The following ACYP2 variants were observed in gnomAD, a reference collection of about 807,000 sequenced individuals.
ACYP2 encodes acylphosphatase-2.
ACYP2 carries 12 observed loss-of-function variants against 11.2 expected under a neutral mutation model. That is an observed-to-expected ratio of 1.08 (90% confidence interval 0.69 to 1.74). ACYP2 has a LOEUF of 1.74. ACYP2 is among the 40% of genes most tolerant of loss of function. The probability of loss-of-function intolerance (pLI) is 0.00; values close to 1 mark genes in which losing one functional copy is unlikely to be tolerated. For missense variants in ACYP2, 134 were observed against 101.9 expected (o/e 1.31, Z -1.35); for synonymous variants, 43 against 32.2 (o/e 1.33, Z -1.13).
chr2:54,068,503 G>A (rs1301393208), intron 4 of ACYP2, among the ~76,000 whole-genome samples: 1 of 152,172 alleles, frequency 6.6e-6, no homozygotes, highest in Non-Finnish European at 1.5e-5. Flanking sequence ...TTCGACTCAT[G>A]TGGATTAAGA....
chr2:53,988,251 A>T (rs954881911), intron 2 of ACYP2, among the ~76,000 whole-genome samples: 1 of 152,084 alleles, frequency 6.6e-6, no homozygotes, highest in African/African-American at 2.4e-5. Context: ...CTAGTCCTAG[A>T]TTCCAAAGTT....
chr2:54,106,842 C>A (rs1274786658), intron 4 of ACYP2, among the ~76,000 whole-genome samples: 2 of 152,118 alleles, frequency 1.3e-5, no homozygotes, highest in East Asian at 3.9e-4. Flanking sequence ...CCTCGGCCTC[C>A]CAAAGTGTTG....
At chr2:53,978,278 A>G (rs1308820837) in intron 2 of ACYP2, among the ~76,000 whole-genome samples, 1 of 151,724 alleles carries the variant, frequency 6.6e-6, no homozygotes, top group Non-Finnish European at 1.5e-5. Context: ...AAAAAAAAAA[A>G]GAACTTCTAA....
intron 6 of ACYP2, among the ~76,000 whole-genome samples, chr2:54,236,411 A>G (rs1319275181): frequency 6.6e-6 from 1 of 152,212 alleles, no homozygotes; most frequent in Non-Finnish European, 1.5e-5. Flanking sequence ...ATTTACTTCA[A>G]AATGGGCTCT....
intron 2 of ACYP2, among the ~76,000 whole-genome samples, chr2:54,012,081 CAA>C (rs1673405083): frequency 6.6e-6 from 1 of 151,980 alleles, no homozygotes; most frequent in Non-Finnish European, 1.5e-5. Flanking sequence ...ACTAAAAAAA[CAA>C]AAATTAGCCA....
At chr2:54,012,717 C>G (rs1424861889) in intron 2 of ACYP2, among the ~76,000 whole-genome samples, 1 of 152,144 alleles carries the variant, frequency 6.6e-6, no homozygotes, top group African/African-American at 2.4e-5. Flanking sequence ...CGGGTTGTTT[C>G]CCAAGCCTCC....
intron 6 of ACYP2, among the ~76,000 whole-genome samples, chr2:54,233,693 T>C (rs1686345318): frequency 1.3e-5 from 2 of 152,212 alleles, no homozygotes; most frequent in African/African-American, 4.8e-5. Context: ...TTTCTGTCAC[T>C]ACAGATTAGT....
intron 6 of ACYP2, among the ~76,000 whole-genome samples, chr2:54,201,679 T>TTTCTTTCC (rs1684831544): frequency 8.7e-6 from 1 of 115,414 alleles, no homozygotes. Flanking sequence ...TCTTTCTTTC[T>TTTCTTTCC]TTCTCTCTCT....
chr2:53,979,644 TA>T (rs923947871), intron 2 of ACYP2, among the ~76,000 whole-genome samples: 11 of 142,416 alleles, frequency 7.7e-5, no homozygotes, highest in Non-Finnish European at 1.1e-4. Context: ...AAAAAAAAAT[TA>T]AAAAAAAAGG....
chr2:54,107,272 G>A (rs1048032036), intron 4 of ACYP2, among the ~76,000 whole-genome samples: 1 of 152,144 alleles, frequency 6.6e-6, no homozygotes, highest in Non-Finnish European at 1.5e-5. Context: ...TAAGCATGAT[G>A]TGACTAATTT....
intron 2 of ACYP2, among the ~76,000 whole-genome samples, chr2:54,035,027 A>AAAAAAAAAAAAAAAAAAAAAAAAAC (rs1558484930): frequency 1.4e-5 from 2 of 147,732 alleles, no homozygotes; most frequent in East Asian, 2.0e-4. Context: ...AAAAAAAAAA[A>AAAAAAAAAAAAAAAAAAAAAAAAAC]AAAAAGCCTA....
intron 6 of ACYP2, among the ~76,000 whole-genome samples, chr2:54,249,598 G>T (rs962252379): frequency 1.4e-4 from 21 of 151,942 alleles, no homozygotes; most frequent in Non-Finnish European, 2.1e-4. Context: ...ATATTTAAGG[G>T]GTAGGTAAAT....
intron 6 of ACYP2, among the ~76,000 whole-genome samples, chr2:54,207,261 A>C (rs1685117102): frequency 1.3e-5 from 2 of 149,428 alleles, no homozygotes; most frequent in African/African-American, 4.9e-5. Context: ...GCAAGTTGGA[A>C]TTTGTAGGGA....
intron 2 of ACYP2, among the ~76,000 whole-genome samples, chr2:53,992,435 C>G (rs28653587): frequency 0.44 from 66,329 of 152,044 alleles, 14,703 homozygotes; most frequent in South Asian, 0.51. Context: ...AATGAAAGTA[C>G]TGTGACTAAT....
rs1573611792 is a variant in ACYP2 at position 54,051,375 on chromosome 2, G to A, written c.155+325G>A. 3 of 754,192 alleles carry A rather than the reference G, an allele frequency of 4.0e-6. No homozygotes were observed. The East Asian group carries it at 7.3e-5, about 18-fold the overall frequency. The allele number at this position is 754,192 out of a possible 1,614,324, so 46.7% of individuals were successfully genotyped here. On this transcript the variant is annotated intron_variant, in intron 3 of 6. Transcript: ENST00000607452. ...GGTGGAAGACCATGTCTGCTAAAGA[G>A]AAAAGTGAAGACATGGCAAAGGTAG...
At chr2:53,999,950 G>A (rs1316900510) in intron 2 of ACYP2, among the ~76,000 whole-genome samples, 1 of 152,050 alleles carries the variant, frequency 6.6e-6, no homozygotes, top group Non-Finnish European at 1.5e-5. Flanking sequence ...AGAAATTAAT[G>A]TTCAGAATTC....
chr2:54,254,680 T>G (rs1230715508), intron 6 of ACYP2: 1 of 520,208 alleles, frequency 1.9e-6, no homozygotes, highest in Non-Finnish European at 3.4e-6. Context: ...TAGAAGGATG[T>G]GACCCATCGG....
At chr2:54,030,201 G>A (rs1674510454) in intron 2 of ACYP2, among the ~76,000 whole-genome samples, 1 of 152,210 alleles carries the variant, frequency 6.6e-6, no homozygotes, top group Non-Finnish European at 1.5e-5. Flanking sequence ...TGATACTGGA[G>A]TGATTATTTC....
chr2:54,007,200 G>GC (rs1200654230), intron 2 of ACYP2, among the ~76,000 whole-genome samples: 1 of 139,314 alleles, frequency 7.2e-6, no homozygotes, highest in Non-Finnish European at 1.6e-5. Context: ...AAGAAACTAC[G>GC]CCTACATTTT....
Sources: gnomAD v4.1 joint callset for allele counts (sites outside exome capture counted in the v4.1 genomes callset) on GRCh38, gnomAD v4.1.1 for gene constraint, MANE v1.5 for transcripts, NCBI Gene and HGNC (gene_info 2026-07-23, HGNC 2026-07-21) for gene names.